Variants in KCND2 observed in about 807,000 individuals in gnomAD.
KCND2 encodes the protein potassium voltage-gated channel subfamily D member 2, also known as A-type voltage-gated potassium channel KCND2.
In KCND2, 16 loss-of-function variants were observed where a neutral mutation model predicts 54.4. The observed-to-expected ratio is 0.29, with a 90% CI of 0.20 to 0.45. KCND2 has a LOEUF of 0.45. Ranked by LOEUF, KCND2 falls within the 20% of genes least tolerant of loss-of-function variation. The probability of loss-of-function intolerance (pLI) is 1.00; values close to 1 mark genes in which losing one functional copy is unlikely to be tolerated. For missense variants in KCND2, 486 were observed against 824.2 expected, an observed-to-expected ratio of 0.59 and a Z score of 5.02; for synonymous variants, 317 against 310.7, an observed-to-expected ratio of 1.02 and a Z score of -0.21.
At chr7:120,583,308 T>C (rs1792543722) in intron 1 of KCND2, among the ~76,000 whole-genome samples, 1 of 152,192 alleles carries the variant, frequency 6.6e-6, no homozygotes, top group Non-Finnish European at 1.5e-5. Flanking sequence ...TATCCCAAAT[T>C]TCTATTCAAA....
At chr7:120,546,433 A>G (rs1000139302) in intron 1 of KCND2, among the ~76,000 whole-genome samples, 2 of 151,938 alleles carry the variant, frequency 1.3e-5, no homozygotes, top group African/African-American at 4.8e-5. Flanking sequence ...GGCCCTATCA[A>G]TAACCTTGTG....
chr7:120,613,800 CTCCCACT>C (rs1159195905), intron 1 of KCND2, among the ~76,000 whole-genome samples: 3 of 152,122 alleles, frequency 2.0e-5, no homozygotes. Flanking sequence ...TAAATGGTAG[CTCCCACT>C]TCCTCGCAAA....
chr7:120,623,534 T>A (rs1793129331), intron 1 of KCND2, among the ~76,000 whole-genome samples: 1 of 152,186 alleles, frequency 6.6e-6, no homozygotes. Flanking sequence ...TGATTTTGGC[T>A]TAGCAGTATA....
At chr7:120,584,303 C>T (rs554731120) in intron 1 of KCND2, among the ~76,000 whole-genome samples, 9 of 152,226 alleles carry the variant, frequency 5.9e-5, no homozygotes, top group East Asian at 1.9e-4. Flanking sequence ...TGATTGTGTT[C>T]GGTCATGGTT....
At chr7:120,528,745 T>A (rs1791807928) in intron 1 of KCND2, among the ~76,000 whole-genome samples, 1 of 152,166 alleles carries the variant, frequency 6.6e-6, no homozygotes, top group East Asian at 1.9e-4. Context: ...ATTTTGGAAT[T>A]AGCTCTTTCC....
At chr7:120,287,041 T>A (rs1799355922) in intron 1 of KCND2, among the ~76,000 whole-genome samples, 1 of 152,160 alleles carries the variant, frequency 6.6e-6, no homozygotes, top group Admixed American at 6.5e-5. Flanking sequence ...AGTATCTTAT[T>A]TCATGAAGAG....
intron 1 of KCND2, among the ~76,000 whole-genome samples, chr7:120,577,752 AT>A (rs1792455856): frequency 6.6e-6 from 1 of 152,024 alleles, no homozygotes; most frequent in South Asian, 2.1e-4. Flanking sequence ...CGCCCGGCTA[AT>A]TTTTTGTATT....
intron 1 of KCND2, among the ~76,000 whole-genome samples, chr7:120,654,922 A>G (rs1791782696): frequency 6.6e-6 from 1 of 152,094 alleles, no homozygotes; most frequent in African/African-American, 2.4e-5. Flanking sequence ...GGTGCCAGAG[A>G]AGATGAAATA....
chr7:120,513,804 A>T (rs1320917349), intron 1 of KCND2, among the ~76,000 whole-genome samples: 1 of 152,078 alleles, frequency 6.6e-6, no homozygotes, highest in African/African-American at 2.4e-5. Flanking sequence ...GAAAACATTT[A>T]TTTTAAGAAA....
intron 1 of KCND2, among the ~76,000 whole-genome samples, chr7:120,457,055 TGAG>T (rs1229217941): frequency 2.0e-5 from 3 of 152,200 alleles, no homozygotes; most frequent in Non-Finnish European, 4.4e-5. Flanking sequence ...AGCAATGGCC[TGAG>T]GTATACATTC....
intron 1 of KCND2, among the ~76,000 whole-genome samples, chr7:120,686,926 T>G (rs531095906): frequency 1.3e-5 from 2 of 152,242 alleles, no homozygotes; most frequent in Admixed American, 6.6e-5. Flanking sequence ...AAGACTGCCT[T>G]TCCTTGGCAC....
At chr7:120,340,958 A>G (rs1408848624) in intron 1 of KCND2, among the ~76,000 whole-genome samples, 1 of 152,206 alleles carries the variant, frequency 6.6e-6, no homozygotes, top group Admixed American at 6.5e-5. Context: ...AAAAATAGTG[A>G]CGCAAAGAAA....
chr7:120,523,096 T>G (rs1394191867), intron 1 of KCND2, among the ~76,000 whole-genome samples: 3 of 152,140 alleles, frequency 2.0e-5, no homozygotes, highest in African/African-American at 7.2e-5. Flanking sequence ...GTTTTAAATA[T>G]TTGTAGAAGG....
chr7:120,467,780 C>T (rs1802400796), intron 1 of KCND2, among the ~76,000 whole-genome samples: 1 of 152,030 alleles, frequency 6.6e-6, no homozygotes. Flanking sequence ...TAAGCACTGA[C>T]ACAGGAAAGA....
intron 1 of KCND2, among the ~76,000 whole-genome samples, chr7:120,670,022 G>A (rs1791971800): frequency 1.3e-5 from 2 of 152,028 alleles, no homozygotes; most frequent in Non-Finnish European, 2.9e-5. Context: ...TAGAGGGGGT[G>A]AGGGATAAAA....
intron 1 of KCND2, among the ~76,000 whole-genome samples, chr7:120,335,468 CTTAT>C (rs757550470): frequency 0.031 from 3,444 of 110,564 alleles, 66 homozygotes; most frequent in South Asian, 0.097. Context: ...TACTTACTTA[CTTAT>C]TTATTTATTT....
In KCND2 at chr7:120,641,273, T is replaced by G. The variant is rs144366123; in HGVS notation, c.1116-91630T>G. Reference sequence around the variant, plus strand: ...GCAGCCCCCAGCTAATCCTGTAATATTGAACTAGAGGAGAACACATGGGGA... The same window carrying G: ...GCAGCCCCCAGCTAATCCTGTAATAGTGAACTAGAGGAGAACACATGGGGA... On this transcript the variant is annotated intron_variant, in intron 1 of 5. Coordinates refer to ENST00000331113, the MANE Select transcript of KCND2 (RefSeq NM_012281.3). 2.6e-3 allele frequency among the ~76,000 whole-genome samples: 397 copies of G among 152,206 alleles called. 1 individual carries two copies. Among genetic ancestry groups the G allele is most frequent in the Non-Finnish European group, 3.3e-3 (226 of 67,992 alleles).
At chr7:120,320,950 G>C (rs1799886386) in intron 1 of KCND2, among the ~76,000 whole-genome samples, 1 of 152,150 alleles carries the variant, frequency 6.6e-6, no homozygotes, top group Non-Finnish European at 1.5e-5. Context: ...GCTTATGAAT[G>C]AGTGAAGAAT....
intron 1 of KCND2, among the ~76,000 whole-genome samples, chr7:120,525,818 A>G (rs182127299): frequency 2.6e-5 from 4 of 152,318 alleles, no homozygotes; most frequent in African/African-American, 7.2e-5. Context: ...AGTGAAGTCA[A>G]ACTGAGACTT....
Sources: gnomAD v4.1 joint callset for allele counts (sites outside exome capture counted in the v4.1 genomes callset) on GRCh38, gnomAD v4.1.1 for gene constraint, MANE v1.5 for transcripts, NCBI Gene and HGNC (gene_info 2026-07-23, HGNC 2026-07-21) for gene names.